EVC2: variants seen among roughly 807,000 people sequenced by gnomAD.
EVC2 encodes the protein limbin.
EVC2 carries 148 observed loss-of-function variants against 149.3 expected under a neutral mutation model. The observed-to-expected ratio is 0.99, with a 90% CI of 0.87 to 1.14. The LOEUF (loss-of-function observed/expected upper bound fraction) is 1.14, where lower values mean the gene tolerates loss of function less well. Among genes scored for constraint, EVC2 ranks in the 50% most tolerant of loss-of-function variants. The pLI, the probability that EVC2 is intolerant of heterozygous loss-of-function variation, is 0.00. For synonymous variants in EVC2, 776 were observed against 649.9 expected (o/e 1.19, Z -2.95); for missense variants, 1,854 against 1,627.3 (o/e 1.14, Z -2.40).
At chr4:5,585,294 G>A (rs1052276556) in intron 16 of EVC2, among the ~76,000 whole-genome samples, 24 of 151,960 alleles carry the variant, frequency 1.6e-4, no homozygotes, top group Non-Finnish European at 2.8e-4. Context: ...CCAGCTGTGC[G>A]CTGTGCTCTA....
At chr4:5,626,137 A>G (rs1054973816) in intron 12 of EVC2, among the ~76,000 whole-genome samples, 1 of 152,180 alleles carries the variant, frequency 6.6e-6, no homozygotes, top group Non-Finnish European at 1.5e-5. Context: ...GAAGTTGGCA[A>G]GAGTTCTGGA....
intron 16 of EVC2, among the ~76,000 whole-genome samples, chr4:5,597,874 A>C (rs1368810152): frequency 1.8e-5 from 2 of 114,036 alleles, no homozygotes; most frequent in Non-Finnish European, 3.7e-5. Flanking sequence ...GCAAAGTCTC[A>C]GGATACAAAA....
chr4:5,604,556 G>T (rs941698585), intron 16 of EVC2, among the ~76,000 whole-genome samples: 7 of 152,122 alleles, frequency 4.6e-5, no homozygotes, highest in African/African-American at 1.7e-4. Flanking sequence ...GGAAGGTTGT[G>T]GGGGAGACAA....
intron 16 of EVC2, among the ~76,000 whole-genome samples, chr4:5,596,557 T>G (rs898347599): frequency 6.6e-6 from 1 of 151,842 alleles, no homozygotes; most frequent in Non-Finnish European, 1.5e-5. Flanking sequence ...ATCTCTGGGA[T>G]GCATTCAAAG....
chr4:5,616,550 G>C (rs1715271040), intron 15 of EVC2, among the ~76,000 whole-genome samples: 1 of 152,186 alleles, frequency 6.6e-6, no homozygotes, highest in Non-Finnish European at 1.5e-5. Context: ...AATGCACTAA[G>C]CATCCACTAA....
intron 7 of EVC2, among the ~76,000 whole-genome samples, chr4:5,675,553 T>C (rs762846381): frequency 1.3e-5 from 2 of 152,238 alleles, no homozygotes; most frequent in African/African-American, 2.4e-5. Context: ...CCTCCCACAT[T>C]ACTCTTCATT....
At chr4:5,581,650 G>T (rs954604590) in intron 17 of EVC2, among the ~76,000 whole-genome samples, 9 of 152,212 alleles carry the variant, frequency 5.9e-5, no homozygotes, top group African/African-American at 2.2e-4. Context: ...CCTGAAACTG[G>T]ACCTTATATT....
In EVC2 at chr4:5,584,725, G is replaced by A. The variant is rs2108788542; in HGVS notation, c.2955C>T (p.Tyr985=). 1.2e-6 allele frequency: 2 copies of A among 1,614,190 alleles called. No individual in the cohort carries two copies. Among genetic ancestry groups the A allele is most frequent in the Non-Finnish European group, 1.7e-6 (2 of 1,180,034 alleles). ...AGTCCTGGATGCTGAGGAGGGCGGT[G>A]TAGGCCGACAGAGTCTCGGTCACCC... The part of the protein sequence containing the change: ...ASRVTETLSA[Y]TALLSIQDLL... The change falls in exon 17 of 22, where the codon TAC becomes TAT. Residue 985 remains tyrosine (Y), a synonymous_variant. Transcript: ENST00000344408.
At chr4:5,563,790 T>C (rs1173545072) in intron 21 of EVC2, among the ~76,000 whole-genome samples, 1 of 152,068 alleles carries the variant, frequency 6.6e-6, no homozygotes, top group Non-Finnish European at 1.5e-5. Flanking sequence ...GTTAAACATT[T>C]ATGAGTACAC....
Position 5,677,098 on chromosome 4 carries a change from C to T in EVC2, c.870+4162G>A, listed in dbSNP as rs1346628877. 6.6e-6 allele frequency among the ~76,000 whole-genome samples: 1 copy of T among 152,164 alleles called. No homozygotes were observed. The highest frequency in any genetic ancestry group is 1.5e-5 in the Non-Finnish European group (1 of 68,032). On this transcript the variant is annotated intron_variant, in intron 7 of 21. Transcript: ENST00000344408. The surrounding 1 kb of genome is among the most constrained non-coding windows in gnomAD (Gnocchi z 4.3). ...TGTGTAAATAATAGTAATAATACTG[C>T]TGACGACAACAGCTGACATTTATGG...
chr4:5,584,629 G>C lies in EVC2; in HGVS notation c.3051C>G (p.His1017Gln). ...TCCCAGCGCCTGCACTCACCCGGCT[G>C]TGCGACTCCAGGATCTGTGTGCAGG... The part of the protein sequence containing the change: ...KSACTQILES[H>Q]SRELQELERK... Residue 1017 changes from histidine (H) to glutamine (Q), a missense_variant, in exon 17 of 22, where the codon CAC becomes CAG. Coordinates refer to ENST00000344408, the MANE Select transcript of EVC2 (RefSeq NM_147127.5). 1 of 1,613,076 alleles carries C rather than the reference G, an allele frequency of 6.2e-7. No individual in the cohort carries two copies. The highest frequency in any genetic ancestry group is 2.2e-5 in the East Asian group (1 of 44,842).
downstream of EVC2, among the ~76,000 whole-genome samples, chr4:5,560,892 C>T (rs1025771434): frequency 3.3e-5 from 5 of 152,108 alleles, no homozygotes; most frequent in African/African-American, 7.2e-5. This position sits in a 1 kb window ranked among gnomAD's most constrained non-coding sequence, Gnocchi z 4.1. Context: ...TATCTGATTC[C>T]AGAAACACAG....
chr4:5,642,181 C>T (rs893629925), intron 9 of EVC2, among the ~76,000 whole-genome samples: 1 of 152,170 alleles, frequency 6.6e-6, no homozygotes, highest in Admixed American at 6.5e-5. Context: ...TCCAGTCTAT[C>T]ATCGATGGGC....
chr4:5,586,004 G>A (rs1439474791), intron 16 of EVC2, among the ~76,000 whole-genome samples: 1 of 152,070 alleles, frequency 6.6e-6, no homozygotes, highest in Admixed American at 6.5e-5. Context: ...TGGGATTACA[G>A]GCATGCACCA....
intron 19 of EVC2, among the ~76,000 whole-genome samples, chr4:5,573,028 G>A (rs1173212579): frequency 1.3e-5 from 2 of 152,158 alleles, no homozygotes; most frequent in African/African-American, 4.8e-5. Context: ...AATACTGCCT[G>A]TTTCCCATCT....
At chr4:5,681,204 G>C (rs1720316403) in intron 7 of EVC2, 56 bp downstream of exon 7, 2 of 1,601,476 alleles carry the variant, frequency 1.2e-6, no homozygotes, top group Non-Finnish European at 1.7e-6. Context: ...GGACAGGCAG[G>C]ACCCACACAG....
chr4:5,664,844 A>G (rs148280616), intron 8 of EVC2, among the ~76,000 whole-genome samples: 10 of 151,972 alleles, frequency 6.6e-5, no homozygotes, highest in African/African-American at 2.4e-4. Context: ...CACATAAGCT[A>G]CTTGAATGGG....
rs916398166 is a variant in EVC2 at position 5,562,500 on chromosome 4, A to G, written c.*348T>C. ...TATAAAAATAGAATATGTAACAAAT[A>G]CAAAACATAAGAGTAGAGAATCTGG... On this transcript the variant is annotated 3_prime_UTR_variant, in exon 22 of 22. Transcript: ENST00000344408. This position sits in a 1 kb window ranked among gnomAD's most constrained non-coding sequence, Gnocchi z 4.3. 3.6e-6 allele frequency: 4 copies of G among 1,123,468 alleles called. No individual in the cohort carries two copies. The East Asian group carries it at 1.7e-4, about 48-fold the overall frequency. The allele number at this position is 1,123,468 out of a possible 1,614,324, so 69.6% of individuals were successfully genotyped here. A position where few individuals can be genotyped will look rare whatever the true frequency, so the allele number is the denominator to read the frequency against.
downstream of EVC2, among the ~76,000 whole-genome samples, chr4:5,538,987 A>T (rs1380482525): frequency 1.3e-5 from 2 of 152,170 alleles, no homozygotes; most frequent in Admixed American, 6.5e-5. Context: ...AAGCATTCAG[A>T]TTGGAAAGGA....
Sources: gnomAD v4.1 joint callset for allele counts (sites outside exome capture counted in the v4.1 genomes callset) on GRCh38, gnomAD v4.1.1 for gene constraint, Gnocchi (gnomAD v3.1) non-coding constraint, MANE v1.5 for transcripts, NCBI Gene and HGNC (gene_info 2026-07-23, HGNC 2026-07-21) for gene names.